The following ZNF462 variants were observed in gnomAD, a reference collection of about 807,000 sequenced individuals.
ZNF462 encodes the protein zinc finger protein 462.
Under a neutral mutation model 201.9 loss-of-function variants are expected in ZNF462, and 10 were observed. That is an observed-to-expected ratio of 0.05 (90% confidence interval 0.03 to 0.08). ZNF462 has a LOEUF of 0.08. ZNF462 is among the 10% of genes least tolerant of loss of function. ZNF462 has a pLI of 1.00. For missense variants in ZNF462, 2,523 were observed against 3,168.3 expected (o/e 0.80, Z 4.89); for synonymous variants, 1,227 against 1,193.3 (o/e 1.03, Z -0.58).
At position 106,880,909 on chromosome 9, in the gene ZNF462, T is replaced by G. The variant is rs1423836400; in HGVS notation, c.-31+17554T>G. ...TAACTCTGAGGTTGATAGATACAAA[T>G]AGTTTCTTTAAGAATTCTGATTCCT... On this transcript the variant is annotated intron_variant, in intron 1 of 12. Transcript: ENST00000277225. This position sits in a 1 kb window ranked among gnomAD's most constrained non-coding sequence, Gnocchi z 4.1. 6.6e-6 allele frequency among the ~76,000 whole-genome samples: 1 copy of G among 152,214 alleles called. No individual in the cohort carries two copies. Among genetic ancestry groups the G allele is most frequent in the Non-Finnish European group, 1.5e-5 (1 of 68,028 alleles).
rs1259051904 is a variant in ZNF462 at position 106,876,221 on chromosome 9, A to G, written c.-31+12866A>G. Among the ~76,000 whole-genome samples the G allele has an allele frequency of 6.6e-6, 1 of 152,204 alleles. No homozygotes were observed. The highest frequency in any genetic ancestry group is 1.5e-5 in the Non-Finnish European group (1 of 68,036). Reference sequence around the variant, plus strand: ...CCCATGATTTCCTACCCAGTAAAATAGAAATTATTATAATTTGAATCTGTA... The same window carrying G: ...CCCATGATTTCCTACCCAGTAAAATGGAAATTATTATAATTTGAATCTGTA... On this transcript the variant is annotated intron_variant, in intron 1 of 12. Transcript: ENST00000277225. This position sits in a 1 kb window ranked among gnomAD's most constrained non-coding sequence, Gnocchi z 4.9.
chr9:106,910,362 GTTTTT>G (rs1011376719), intron 1 of ZNF462, among the ~76,000 whole-genome samples: 5 of 64,796 alleles, frequency 7.7e-5, no homozygotes, highest in Non-Finnish European at 1.2e-4. Flanking sequence ...CCTTGTTTTA[GTTTTT>G]TTTTTTTTTT....
chr9:106,968,973 A>G lies in ZNF462; in HGVS notation c.6428-3032A>G, dbSNP rs1276888732. ...AAACAGGAATTTTATGTAGCTTAGC[A>G]AGTGGGCTTTTTAAAGATCGGTGGA... On this transcript the variant is annotated intron_variant, in intron 7 of 12. Coordinates refer to ENST00000277225, the MANE Select transcript of ZNF462 (RefSeq NM_021224.6). The surrounding 1 kb of genome is among the most constrained non-coding windows in gnomAD (Gnocchi z 4.0). Among the ~76,000 whole-genome samples the G allele has an allele frequency of 6.6e-6, 1 of 152,194 alleles. No individual in the cohort carries two copies. Among genetic ancestry groups the G allele is most frequent in the African/African-American group, 2.4e-5 (1 of 41,448 alleles).
rs1162443190 is a variant in ZNF462, at chr9:106,865,047, TTC to T, written c.-31+1698_-31+1699del. ...AGGAGGAGGCTTGCTTGCCTACTCC[TTC>T]TCTCTTTCCAGAGGGAAACCTTGTG... On this transcript the variant is annotated intron_variant, in intron 1 of 12. Coordinates refer to ENST00000277225, the MANE Select transcript of ZNF462 (RefSeq NM_021224.6). The surrounding 1 kb of genome is among the most constrained non-coding windows in gnomAD (Gnocchi z 4.1). Among the ~76,000 whole-genome samples the T allele has an allele frequency of 6.6e-6, 1 of 152,166 alleles. No individual in the cohort carries two copies. Among genetic ancestry groups the T allele is most frequent in the African/African-American group, 2.4e-5 (1 of 41,448 alleles).
At position 106,876,573 on chromosome 9, in the gene ZNF462, T is replaced by G. The variant is rs1341211576; in HGVS notation, c.-31+13218T>G. Among the ~76,000 whole-genome samples, 1 of 152,214 alleles carries G rather than the reference T, an allele frequency of 6.6e-6. No individual in the cohort carries two copies. The highest frequency in any genetic ancestry group is 2.4e-5 in the African/African-American group (1 of 41,462). On this transcript the variant is annotated intron_variant, in intron 1 of 12. Transcript: ENST00000277225. This position sits in a 1 kb window ranked among gnomAD's most constrained non-coding sequence, Gnocchi z 4.9. Reference sequence around the variant, plus strand: ...CTGTGGATGAAGCAGCACTCTGTATTGCTGTGTGTGCATTCAGTAGGAGCT... The same window carrying G: ...CTGTGGATGAAGCAGCACTCTGTATGGCTGTGTGTGCATTCAGTAGGAGCT...
rs1216036071 is a variant in ZNF462 at position 106,902,269 on chromosome 9, C to A, written c.-30-21085C>A. 3.3e-5 allele frequency among the ~76,000 whole-genome samples: 5 copies of A among 152,082 alleles called. No individual in the cohort carries two copies. In the East Asian group the frequency reaches 9.6e-4, roughly 29 times the overall value. Reference sequence around the variant, plus strand: ...CCATCCCTGCATCCCTGGTATGAAACCCACTTGATCATGGTGGATTATCTT... The same window carrying A: ...CCATCCCTGCATCCCTGGTATGAAAACCACTTGATCATGGTGGATTATCTT... On this transcript the variant is annotated intron_variant, in intron 1 of 12. Coordinates refer to ENST00000277225, the MANE Select transcript of ZNF462 (RefSeq NM_021224.6). This position sits in a 1 kb window ranked among gnomAD's most constrained non-coding sequence, Gnocchi z 4.2.
Position 106,978,890 on chromosome 9 carries a change from T to C in ZNF462, c.6832+4617T>C, listed in dbSNP as rs1313378060. ...CTCAGTGATGTGGGATCTCATCATA[T>C]CTGTCATTATAATTGGTCCTGATGG... On this transcript the variant is annotated intron_variant, in intron 9 of 12. Coordinates refer to ENST00000277225, the MANE Select transcript of ZNF462 (RefSeq NM_021224.6). This position sits in a 1 kb window ranked among gnomAD's most constrained non-coding sequence, Gnocchi z 4.1. 3.0e-5 allele frequency: 9 copies of C among 304,572 alleles called. No homozygotes were observed. Among genetic ancestry groups the C allele is most frequent in the Admixed American group, 8.5e-5 (2 of 23,572 alleles). 18.9% of individuals were successfully genotyped at this position (304,572 alleles called of 1,614,324 possible). A position where few individuals can be genotyped will look rare whatever the true frequency, so the allele number is the denominator to read the frequency against.
Position 107,009,882 on chromosome 9 carries a change from C to T in ZNF462, c.7313+214C>T, listed in dbSNP as rs1034800411. Among the ~76,000 whole-genome samples the T allele has an allele frequency of 6.6e-5, 10 of 152,204 alleles. No homozygotes were observed. Among genetic ancestry groups the T allele is most frequent in the East Asian group, 5.8e-4 (3 of 5,172 alleles). On this transcript the variant is annotated intron_variant, in intron 12 of 12. Coordinates refer to ENST00000277225, the MANE Select transcript of ZNF462 (RefSeq NM_021224.6). This position sits in a 1 kb window ranked among gnomAD's most constrained non-coding sequence, Gnocchi z 6.1. ...CCGCAAGTCAAATAGGGAAAAAAAT[C>T]GTCTTTATGAATGATCAGTCCTGCT...
At chr9:106,860,605 TAGG>T (rs554404252), upstream of ZNF462, among the ~76,000 whole-genome samples, 26 of 152,200 alleles carry the variant, frequency 1.7e-4, no homozygotes, top group East Asian at 5.0e-3. The surrounding 1 kb of genome is among the most constrained non-coding windows in gnomAD (Gnocchi z 7.1). Flanking sequence ...CCAGCAGTAA[TAGG>T]AGCTTTCAAC....
Position 106,970,159 on chromosome 9 carries a change from T to C in ZNF462, c.6428-1846T>C, listed in dbSNP as rs1264162032. Among the ~76,000 whole-genome samples, 1 of 152,178 alleles carries C rather than the reference T, an allele frequency of 6.6e-6. No homozygotes were observed. Among genetic ancestry groups the C allele is most frequent in the Admixed American group, 6.5e-5 (1 of 15,280 alleles). ...AGAAAAAGGAGATAAAAGAACTGGG[T>C]AAAATGAATTCAGTTGTCATTCCTT... On this transcript the variant is annotated intron_variant, in intron 7 of 12. Coordinates refer to ENST00000277225, the MANE Select transcript of ZNF462 (RefSeq NM_021224.6). This position sits in a 1 kb window ranked among gnomAD's most constrained non-coding sequence, Gnocchi z 4.2.
In ZNF462 at chr9:106,886,953, A is replaced by G. The variant is rs1387699635; in HGVS notation, c.-31+23598A>G. Among the ~76,000 whole-genome samples, 2 of 152,164 alleles carry G rather than the reference A, an allele frequency of 1.3e-5. No individual in the cohort carries two copies. Among genetic ancestry groups the G allele is most frequent in the African/African-American group, 4.8e-5 (2 of 41,442 alleles). ...AAATGACAGGCGGTGGCACTTCCCT[A>G]TACTTGCTGTCCCTTACAATTATGT... On this transcript the variant is annotated intron_variant, in intron 1 of 12. Transcript: ENST00000277225. The surrounding 1 kb of genome is among the most constrained non-coding windows in gnomAD (Gnocchi z 4.6).
chr9:107,000,348 T>G (rs996873490), intron 10 of ZNF462, among the ~76,000 whole-genome samples: 8 of 151,924 alleles, frequency 5.3e-5, no homozygotes, highest in Non-Finnish European at 1.0e-4. Context: ...TGTTAAAGAT[T>G]GCTTTGACCA....
intron 10 of ZNF462, among the ~76,000 whole-genome samples, chr9:107,002,010 G>A (rs892291836): frequency 2.0e-5 from 3 of 152,082 alleles, no homozygotes; most frequent in African/African-American, 7.2e-5. Flanking sequence ...GGCCTGGTAC[G>A]CTGAGGCTCT....
intron 1 of ZNF462, among the ~76,000 whole-genome samples, chr9:106,901,186 C>CT (rs1244436709): frequency 2.6e-5 from 4 of 152,060 alleles, no homozygotes; most frequent in African/African-American, 9.7e-5. Context: ...TCTTTCCCCA[C>CT]TTTATGTTTT....
intron 7 of ZNF462, among the ~76,000 whole-genome samples, chr9:106,946,989 C>T (rs1831137854): frequency 6.6e-6 from 1 of 152,008 alleles, no homozygotes; most frequent in African/African-American, 2.4e-5. Flanking sequence ...CCGTAAATAA[C>T]AACCAACAGA....
At chr9:106,896,511 G>C (rs1828820413) in intron 1 of ZNF462, among the ~76,000 whole-genome samples, 1 of 152,138 alleles carries the variant, frequency 6.6e-6, no homozygotes, top group Non-Finnish European at 1.5e-5. Context: ...GTCATGGCTA[G>C]TAGTCCATAT....
At chr9:106,879,942 C>T (rs1347571438) in intron 1 of ZNF462, among the ~76,000 whole-genome samples, 1 of 152,146 alleles carries the variant, frequency 6.6e-6, no homozygotes, top group Non-Finnish European at 1.5e-5. Flanking sequence ...ATTCAGTGGA[C>T]TTCACAGCTG....
rs374826481 is a variant in ZNF462, at chr9:106,926,976, C to T, written c.3064C>T (p.Pro1022Ser). 22 of 1,613,978 alleles carry T rather than the reference C, an allele frequency of 1.4e-5. No individual in the cohort carries two copies. Among genetic ancestry groups the T allele is most frequent in the South Asian group, 2.2e-5 (2 of 91,066 alleles). ...TCCTGAATGTGAAAATCAGAAGGAC[C>T]CTTTGGTCAACACTGTTGTTGTTTA... ...FTPECENQKD[P>S]LVNTVVVYDC... The change falls in exon 3 of 13, where the codon CCT (proline) becomes TCT (serine). Residue 1022 changes from proline to serine, a missense_variant. Around this residue, in one of 15 missense-constraint regions of ZNF462, gnomAD observed 280 missense variants for 321.3 expected, o/e 0.87. Coordinates refer to ENST00000277225, the MANE Select transcript of ZNF462 (RefSeq NM_021224.6). This position sits in a 1 kb window ranked among gnomAD's most constrained non-coding sequence, Gnocchi z 7.9.
At chr9:106,996,547 C>T (rs2132513708) in intron 10 of ZNF462, among the ~76,000 whole-genome samples, 1 of 152,196 alleles carries the variant, frequency 6.6e-6, no homozygotes, top group East Asian at 1.9e-4. Context: ...TTTTGATTTG[C>T]ATTTCTCTGA....
Sources: gnomAD v4.1 joint callset for allele counts (sites outside exome capture counted in the v4.1 genomes callset) on GRCh38, gnomAD v4.1.1 for gene constraint, gnomAD v4.1.1 regional missense constraint, Gnocchi (gnomAD v3.1) non-coding constraint, MANE v1.5 for transcripts, NCBI Gene and HGNC (gene_info 2026-07-23, HGNC 2026-07-21) for gene names.